RAPGEF5: variants seen among roughly 807,000 people sequenced by gnomAD.
RAPGEF5 encodes M-Ras-regulated GEF.
RAPGEF5 carries 65 observed loss-of-function variants against 125.2 expected under a neutral mutation model. That is an observed-to-expected ratio of 0.52 (90% CI 0.43 to 0.64). RAPGEF5 has a LOEUF of 0.64. Among genes scored for constraint, RAPGEF5 ranks in the 30% least tolerant of loss-of-function variants. The pLI is 0.00. For synonymous variants in RAPGEF5, 391 were observed against 385.9 expected (o/e 1.01, Z -0.16); for missense variants, 958 against 1,048.1 (o/e 0.91, Z 1.19).
chr7:22,204,064 G>T (rs1341888897), intron 9 of RAPGEF5, among the ~76,000 whole-genome samples: 1 of 152,098 alleles, frequency 6.6e-6, no homozygotes, highest in Non-Finnish European at 1.5e-5. Flanking sequence ...TGTCCCGTGG[G>T]GTTTGAATAA....
chr7:22,244,915 G>C (rs185075113), intron 7 of RAPGEF5, among the ~76,000 whole-genome samples: 127 of 152,270 alleles, frequency 8.3e-4, no homozygotes, highest in Middle Eastern at 3.4e-3. Flanking sequence ...TTGTGGTATG[G>C]CTGTACTAAT....
At chr7:22,316,014 C>T (rs1327584193) in intron 2 of RAPGEF5, among the ~76,000 whole-genome samples, 1 of 152,166 alleles carries the variant, frequency 6.6e-6, no homozygotes, top group Non-Finnish European at 1.5e-5. Flanking sequence ...CAATTCCAAG[C>T]ATCCGGTTTC....
intron 1 of RAPGEF5, among the ~76,000 whole-genome samples, chr7:22,339,718 A>G (rs1784091185): frequency 6.6e-6 from 1 of 152,238 alleles, no homozygotes; most frequent in South Asian, 2.1e-4. Flanking sequence ...AGCTATTATA[A>G]TTGTTTAAAT....
intron 7 of RAPGEF5, among the ~76,000 whole-genome samples, chr7:22,239,933 G>T (rs1170825709): frequency 6.6e-6 from 1 of 151,752 alleles, no homozygotes; most frequent in Non-Finnish European, 1.5e-5. Flanking sequence ...TTTTGGCCGG[G>T]TGTGGTGGCT....
intron 7 of RAPGEF5, among the ~76,000 whole-genome samples, chr7:22,245,789 T>C (rs979292246): frequency 6.6e-6 from 1 of 152,072 alleles, no homozygotes; most frequent in African/African-American, 2.4e-5. Flanking sequence ...ATAAAAGGCA[T>C]CCAATTAGGA....
chr7:22,352,190 A>G (rs764157581), intron 1 of RAPGEF5, among the ~76,000 whole-genome samples: 1 of 152,236 alleles, frequency 6.6e-6, no homozygotes, highest in Non-Finnish European at 1.5e-5. Context: ...CAGCAGCCAA[A>G]GCCCAAAATA....
intron 6 of RAPGEF5, among the ~76,000 whole-genome samples, chr7:22,280,596 T>C (rs1782653620): frequency 6.6e-6 from 1 of 152,208 alleles, no homozygotes; most frequent in South Asian, 2.1e-4. Flanking sequence ...AGTCAGAACT[T>C]ATTCGAGGAA....
intron 1 of RAPGEF5, among the ~76,000 whole-genome samples, chr7:22,346,699 C>T (rs56281265): frequency 2.6e-5 from 4 of 152,062 alleles, no homozygotes; most frequent in South Asian, 2.1e-4. Context: ...AGTTGCTAGA[C>T]CAGTTGGAAA....
chr7:22,268,137 G>A (rs1782328594), intron 6 of RAPGEF5, among the ~76,000 whole-genome samples: 1 of 152,168 alleles, frequency 6.6e-6, no homozygotes, highest in Non-Finnish European at 1.5e-5. Context: ...CTAAGTGAAA[G>A]TCATTCAAAA....
intron 7 of RAPGEF5, among the ~76,000 whole-genome samples, chr7:22,243,479 C>T (rs1034903038): frequency 3.3e-5 from 5 of 152,136 alleles, no homozygotes; most frequent in Admixed American, 1.3e-4. Context: ...TGGTCTTGAA[C>T]GCCTGACCTC....
intron 3 of RAPGEF5, among the ~76,000 whole-genome samples, chr7:22,310,610 A>C (rs1274302058): frequency 6.6e-6 from 1 of 152,234 alleles, no homozygotes; most frequent in Non-Finnish European, 1.5e-5. Context: ...CCTTTTGAGA[A>C]CAAAATAATT....
At chr7:22,312,212 CTTT>C (rs796272787) in intron 3 of RAPGEF5, among the ~76,000 whole-genome samples, 2 of 143,988 alleles carry the variant, frequency 1.4e-5, no homozygotes, top group African/African-American at 2.5e-5. Flanking sequence ...TTCCACATTC[CTTT>C]TTTTTTTTTT....
chr7:22,193,464 G>C lies in RAPGEF5; in HGVS notation c.1116-9C>G. On this transcript the variant is annotated splice_polypyrimidine_tract_variant and intron_variant, in intron 10 of 25. Transcript: ENST00000665637. ...CGGACACCACCACATATCTGTCAGA[G>C]AGCAGAGAGTCCACTGAGTCATCCT... The C allele has an allele frequency of 1.3e-6, 2 of 1,582,082 alleles. No individual in the cohort carries two copies. Among genetic ancestry groups the C allele is most frequent in the Non-Finnish European group, 1.7e-6 (2 of 1,163,222 alleles).
At chr7:22,332,034 G>A (rs1051006954) in intron 1 of RAPGEF5, among the ~76,000 whole-genome samples, 2 of 152,084 alleles carry the variant, frequency 1.3e-5, no homozygotes, top group African/African-American at 4.8e-5. Flanking sequence ...CAACATGAAT[G>A]TACTTAACAA....
chr7:22,253,210 T>G (rs1786668791), intron 7 of RAPGEF5, among the ~76,000 whole-genome samples: 3 of 152,192 alleles, frequency 2.0e-5, no homozygotes, highest in Admixed American at 1.3e-4. Flanking sequence ...CATCAATCAA[T>G]TAGGAAGACA....
chr7:22,317,913 T>C, intron 2 of RAPGEF5, 74 bp downstream of exon 2: 2 of 1,536,366 alleles, frequency 1.3e-6, no homozygotes, highest in Non-Finnish European at 1.8e-6. Flanking sequence ...GGAACAACTG[T>C]AACTTGATAA....
intron 7 of RAPGEF5, among the ~76,000 whole-genome samples, chr7:22,260,211 G>A (rs992675016): frequency 1.3e-5 from 2 of 152,122 alleles, no homozygotes; most frequent in Non-Finnish European, 2.9e-5. Context: ...GTGGATACAT[G>A]TCATTATACA....
intron 8 of RAPGEF5, among the ~76,000 whole-genome samples, chr7:22,226,862 C>T (rs965481418): frequency 1.3e-5 from 2 of 152,104 alleles, no homozygotes; most frequent in African/African-American, 4.8e-5. Flanking sequence ...TATAGAAATA[C>T]TGTGTAATGC....
intron 13 of RAPGEF5, 61 bp downstream of exon 13, chr7:22,162,336 G>A: frequency 6.8e-7 from 1 of 1,462,854 alleles, no homozygotes; most frequent in Non-Finnish European, 9.4e-7. Context: ...TTTTTAAAAT[G>A]CATAACTAAA....
Sources: allele counts gnomAD v4.1 joint callset (sites outside exome capture counted in the v4.1 genomes callset), GRCh38; gene constraint gnomAD v4.1.1; transcripts MANE v1.5; gene names NCBI Gene and HGNC (gene_info 2026-07-23, HGNC 2026-07-21).